The following AKAP13 variants were observed in gnomAD, a reference collection of about 807,000 sequenced individuals.
AKAP13 encodes the protein A-kinase anchoring protein 13.
AKAP13 carries 80 observed loss-of-function variants against 264.5 expected under a neutral mutation model. That is an observed-to-expected ratio of 0.30 (90% confidence interval 0.25 to 0.36). The LOEUF is 0.36. Ranked by LOEUF, AKAP13 falls within the 10% of genes least tolerant of loss-of-function variation. The probability of loss-of-function intolerance (pLI) is 1.00; values close to 1 mark genes in which losing one functional copy is unlikely to be tolerated. For missense variants in AKAP13, 3,712 were observed against 3,435.2 expected (o/e 1.08, Z -2.01); for synonymous variants, 1,380 against 1,250.2 (o/e 1.10, Z -2.19).
chr15:85,631,496 T>TCACACA (rs1179138065), intron 8 of AKAP13, among the ~76,000 whole-genome samples: 8 of 64,660 alleles, frequency 1.2e-4, no homozygotes, highest in African/African-American at 4.2e-4. Flanking sequence ...TCTCTCTCTC[T>TCACACA]CTCTCTCACA....
At chr15:85,550,936 A>G (rs1567119792) in intron 5 of AKAP13, among the ~76,000 whole-genome samples, 1 of 152,230 alleles carries the variant, frequency 6.6e-6, no homozygotes, top group Non-Finnish European at 1.5e-5. Flanking sequence ...TATTATGCAC[A>G]GTACTACCTT....
In AKAP13 at chr15:85,585,740, A is replaced by G. The variant is rs757766210; in HGVS notation, c.4078A>G (p.Arg1360Gly). ...GAAAGCTGAAGATGAAGTGGATTTT[A>G]GAGCAAGTTCAATTTCTGAAGAAGT... is the stretch of plus-strand genomic sequence containing the variant. ...DVKAEDEVDF[R>G]ASSISEEVAV... The change falls in exon 8 of 37, where the codon AGA becomes GGA. Residue 1360 changes from arginine (R) to glycine (G), a missense_variant. By Grantham distance (125) the Arg-to-Gly change is moderately radical (BLOSUM62 -2). Around this residue, in one of 3 missense-constraint regions of AKAP13, gnomAD observed 2,759 missense variants for 2,411.7 expected, o/e 1.14. Transcript: ENST00000394518. 6 of 1,614,084 alleles carry G rather than the reference A, an allele frequency of 3.7e-6. No homozygotes were observed. In the Admixed American group the frequency reaches 1.0e-4, roughly 27 times the overall value.
intron 8 of AKAP13, among the ~76,000 whole-genome samples, chr15:85,605,603 C>T (rs890127970): frequency 1.1e-4 from 16 of 151,966 alleles, no homozygotes; most frequent in African/African-American, 2.7e-4. Context: ...ACAAACCTCC[C>T]GAGTCATGCA....
chr15:85,566,730 G>A (rs1349059262), intron 5 of AKAP13, among the ~76,000 whole-genome samples: 2 of 150,890 alleles, frequency 1.3e-5, no homozygotes, highest in Non-Finnish European at 2.9e-5. Flanking sequence ...GGGTTCAAGC[G>A]ATTCTTCTGC....
At chr15:85,680,770 C>G (rs2084549684) in intron 14 of AKAP13, among the ~76,000 whole-genome samples, 1 of 152,200 alleles carries the variant, frequency 6.6e-6, no homozygotes, top group East Asian at 1.9e-4. Context: ...GAATCTGGAA[C>G]AGTTTGAGAG....
At chr15:85,694,865 G>A (rs565887237) in intron 17 of AKAP13, among the ~76,000 whole-genome samples, 53 of 152,190 alleles carry the variant, frequency 3.5e-4, no homozygotes, top group Non-Finnish European at 6.8e-4. Context: ...GCAACTCTCA[G>A]ACCATGATGT....
rs2084789988 is a variant in AKAP13, at chr15:85,684,553, C to T, written c.5157-188C>T. 4 of 578,848 alleles carry T rather than the reference C, an allele frequency of 6.9e-6. No homozygotes were observed. The Admixed American group carries it at 1.3e-4, about 19-fold the overall frequency. The allele number at this position is 578,848 out of a possible 1,614,324, so 35.9% of individuals were successfully genotyped here. On this transcript the variant is annotated intron_variant, in intron 15 of 36. Transcript: ENST00000394518. ...AGAGCAAGACTGTCTCCAAAACAGA[C>T]AAGTGAACAAGAAAACATTAGTGAC...
At chr15:85,423,543 A>G (rs1243941770) in intron 1 of AKAP13, among the ~76,000 whole-genome samples, 5 of 152,172 alleles carry the variant, frequency 3.3e-5, no homozygotes, top group Non-Finnish European at 7.4e-5. Flanking sequence ...TTCCAATTCT[A>G]ATTCTCTTGC....
At chr15:85,645,792 A>G in intron 9 of AKAP13, 26 bp from the exon 10 acceptor site, 1 of 1,524,034 alleles carries the variant, frequency 6.6e-7, no homozygotes, top group South Asian at 1.3e-5. Flanking sequence ...TTTTTTCAAT[A>G]TTGGTGAATA....
At chr15:85,634,530 T>C (rs1225470048) in intron 8 of AKAP13, among the ~76,000 whole-genome samples, 1 of 152,204 alleles carries the variant, frequency 6.6e-6, no homozygotes, top group East Asian at 1.9e-4. Flanking sequence ...AAAATTTATT[T>C]TATATTTTAT....
chr15:85,599,198 A>T (rs1171849228), intron 8 of AKAP13, among the ~76,000 whole-genome samples: 1 of 152,164 alleles, frequency 6.6e-6, no homozygotes, highest in Non-Finnish European at 1.5e-5. Flanking sequence ...AAAGGATTTA[A>T]ATCCTGGCTT....
intron 16 of AKAP13, chr15:85,691,776 A>G: frequency 4.3e-6 from 2 of 461,924 alleles, no homozygotes; most frequent in South Asian, 3.1e-5. Flanking sequence ...GGCTGGGCAC[A>G]CAGGAAGCAC....
At chr15:85,676,004 C>T (rs1322537953) in intron 14 of AKAP13, among the ~76,000 whole-genome samples, 6 of 152,030 alleles carry the variant, frequency 3.9e-5, no homozygotes, top group Non-Finnish European at 7.4e-5. Context: ...CTCTGCCTCC[C>T]GGGTTCAAGC....
At chr15:85,642,409 G>C (rs1396664028) in intron 9 of AKAP13, among the ~76,000 whole-genome samples, 1 of 152,184 alleles carries the variant, frequency 6.6e-6, no homozygotes, top group Non-Finnish European at 1.5e-5. Flanking sequence ...TTTACACTTA[G>C]ATATGCCGCT....
At chr15:85,729,586 G>GACCTTC (rs2087842357) in intron 29 of AKAP13, among the ~76,000 whole-genome samples, 1 of 152,100 alleles carries the variant, frequency 6.6e-6, no homozygotes, top group Non-Finnish European at 1.5e-5. Context: ...GCATATAGAA[G>GACCTTC]GTCATTGAAG....
intron 8 of AKAP13, among the ~76,000 whole-genome samples, chr15:85,599,401 C>T (rs79443949): frequency 0.028 from 4,233 of 152,322 alleles, 78 homozygotes; most frequent in Non-Finnish European, 0.044. Flanking sequence ...GTCATTGGCA[C>T]ATCCCACCCG....
In AKAP13 at chr15:85,741,199, C is replaced by CAGA; in HGVS notation, c.7765_7767dup (p.Lys2589dup). 2 of 1,610,666 alleles carry CAGA rather than the reference C, an allele frequency of 1.2e-6. No individual in the cohort carries two copies. Among genetic ancestry groups the CAGA allele is most frequent in the South Asian group, 2.2e-5 (2 of 90,684 alleles). ...GCAGCGCCAGGACCTGGCCAACCTGCAGAAGCAGCAGGCCCAGTACCTCGA... is the reference window on the plus strand; with the variant it reads ...GCAGCGCCAGGACCTGGCCAACCTGCAGAAGAAGCAGCAGGCCCAGTACCTCGA... On this transcript the variant is annotated inframe_insertion, in exon 35 of 37. Transcript: ENST00000394518.
chr15:85,411,995 A>G lies in AKAP13; in HGVS notation c.-12+31197A>G, dbSNP rs184779404. ...ATTTAAAAGCTTTATGAGTAAAGTA[A>G]TGATATTAACAAATGTGATTTTTGA... On this transcript the variant is annotated intron_variant, in intron 1 of 36. Transcript: ENST00000394518. 1.6e-4 allele frequency among the ~76,000 whole-genome samples: 24 copies of G among 152,330 alleles called. No individual in the cohort carries two copies. The East Asian group carries it at 3.7e-3, about 23-fold the overall frequency.
chr15:85,498,149 C>A (rs74024885), intron 2 of AKAP13, among the ~76,000 whole-genome samples: 14,763 of 146,272 alleles, frequency 0.1, 1,023 homozygotes, highest in East Asian at 0.28. Flanking sequence ...TGAGGGAGAA[C>A]AGTCATGTTT....
Sources: gnomAD v4.1 joint callset for allele counts (sites outside exome capture counted in the v4.1 genomes callset) on GRCh38, gnomAD v4.1.1 for gene constraint, gnomAD v4.1.1 regional missense constraint, MANE v1.5 for transcripts, NCBI Gene and HGNC (gene_info 2026-07-23, HGNC 2026-07-21) for gene names.